HMSD: variants seen among roughly 807,000 people sequenced by gnomAD.
HMSD encodes serpin-like protein HMSD.
Under a neutral mutation model 10.0 loss-of-function variants are expected in HMSD, and 13 were observed. The ratio of observed to expected loss-of-function variants is 1.31; its 90% CI spans 0.85 to 2.08. HMSD has a LOEUF of 2.08. HMSD is among the 30% of genes most tolerant of loss of function. The pLI is 0.00. For missense variants in HMSD, 169 were observed against 166.3 expected (o/e 1.02, Z -0.09); for synonymous variants, 51 against 54.2 (o/e 0.94, Z 0.26).
chr18:63,950,585 C>T (rs11152410), intron 1 of HMSD, among the ~76,000 whole-genome samples: 39,847 of 151,628 alleles, frequency 0.26, 5,288 homozygotes, highest in Admixed American at 0.34. Flanking sequence ...CAAAAACCAA[C>T]CTGAAGGCCT....
chr18:63,967,380 C>T (rs370310300), intron 3 of HMSD, among the ~76,000 whole-genome samples: 212 of 152,232 alleles, frequency 1.4e-3, no homozygotes, highest in African/African-American at 4.2e-3. Context: ...GTGATCCGCC[C>T]GCCTCGGCCT....
Position 63,954,465 on chromosome 18 carries a change from T to C in HMSD, c.130T>C (p.Ser44Pro). The C allele has an allele frequency of 1.2e-6, 2 of 1,613,716 alleles. No homozygotes were observed. Among genetic ancestry groups the C allele is most frequent in the Non-Finnish European group, 1.7e-6 (2 of 1,179,594 alleles). The change falls in exon 3 of 4, where the codon TCA becomes CCA. Residue 44 changes from serine to proline, a missense_variant. By Grantham distance (74) the Ser-to-Pro change is moderately conservative. Coordinates refer to ENST00000408945, the MANE Select transcript of HMSD (RefSeq NM_001123366.2). Reference protein sequence around the residue: ...EDGDIHRGFQSLLVAINRTDT... With the variant: ...EDGDIHRGFQPLLVAINRTDT... ...TGGAGATATTCATCGAGGTTTTCAG[T>C]CACTTCTTGTTGCAATTAACAGAAC...
At chr18:63,950,216 AC>A (rs1390341740) in intron 1 of HMSD, among the ~76,000 whole-genome samples, 2 of 151,792 alleles carry the variant, frequency 1.3e-5, no homozygotes, top group Non-Finnish European at 2.9e-5. Flanking sequence ...GGAGTTCGAG[AC>A]CCAGCCTGGC....
chr18:63,954,843 C>CT (rs1461985711), intron 3 of HMSD, among the ~76,000 whole-genome samples: 27 of 152,198 alleles, frequency 1.8e-4, no homozygotes, highest in African/African-American at 6.5e-4. Flanking sequence ...GTGAAAATGA[C>CT]TGTTTCTCGT....
rs1179444381 is a variant in HMSD at position 63,961,113 on chromosome 18, C to G, written c.*758C>G. The G allele has an allele frequency of 6.6e-6, 1 of 152,136 alleles. No homozygotes were observed. The highest frequency in any genetic ancestry group is 1.5e-5 in the Non-Finnish European group (1 of 68,084). The allele number at this position is 152,136 out of a possible 1,614,324, so 9.4% of individuals were successfully genotyped here. On this transcript the variant is annotated 3_prime_UTR_variant, in exon 4 of 4. Transcript: ENST00000408945. Reference sequence around the variant, plus strand: ...GGGAAACACACACCTCTTTGCACTGCCTTGTGGATAGTCCAGTCAAGTGGA... The same window carrying G: ...GGGAAACACACACCTCTTTGCACTGGCTTGTGGATAGTCCAGTCAAGTGGA...
At position 63,951,442 on chromosome 18, in the gene HMSD, C is replaced by T. The variant is rs532220650; in HGVS notation, c.-102-1912C>T. 2.6e-5 allele frequency among the ~76,000 whole-genome samples: 4 copies of T among 152,210 alleles called. No individual in the cohort carries two copies. In the South Asian group the frequency reaches 8.3e-4, roughly 32 times the overall value. ...TACAGACTAAATAAACCTGCACTCA[C>T]CAGCAGGGGGGAAACTGTGGGAGAT... On this transcript the variant is annotated intron_variant, in intron 1 of 3. Transcript: ENST00000408945.
At chr18:63,950,184 A>AG (rs556680485) in intron 1 of HMSD, among the ~76,000 whole-genome samples, 50 of 152,164 alleles carry the variant, frequency 3.3e-4, no homozygotes, top group Middle Eastern at 3.4e-3. Flanking sequence ...TGGGAGGCTG[A>AG]GGGGGGCGGA....
chr18:63,961,985 T>A (rs906658747), downstream of HMSD, among the ~76,000 whole-genome samples: 1 of 152,248 alleles, frequency 6.6e-6, no homozygotes, highest in African/African-American at 2.4e-5. Flanking sequence ...TCCATGTGTT[T>A]TGTGAAATTG....
At chr18:63,952,240 C>A (rs1444091417) in intron 1 of HMSD, among the ~76,000 whole-genome samples, 1 of 151,166 alleles carries the variant, frequency 6.6e-6, no homozygotes, top group Non-Finnish European at 1.5e-5. Flanking sequence ...GTATACATAA[C>A]TAACCTGCAC....
rs1169868986 is a variant in HMSD at position 63,961,832 on chromosome 18, T to A, written c.*1477T>A. On this transcript the variant is annotated 3_prime_UTR_variant, in exon 4 of 4. Coordinates refer to ENST00000408945, the MANE Select transcript of HMSD (RefSeq NM_001123366.2). ...TTGTGACTAATAAACTGCCGCCAAT[T>A]TCATCTGTCCAGTGTGTCATGCCAT... 3.3e-5 allele frequency: 5 copies of A among 152,204 alleles called. No homozygotes were observed. Among genetic ancestry groups the A allele is most frequent in the African/African-American group, 1.2e-4 (5 of 41,434 alleles). 9.4% of individuals were successfully genotyped at this position (152,204 alleles called of 1,614,324 possible). A position where few individuals can be genotyped will look rare whatever the true frequency, so the allele number is the denominator to read the frequency against.
chr18:63,949,784 G>C (rs1337001749), intron 1 of HMSD, among the ~76,000 whole-genome samples: 1 of 152,198 alleles, frequency 6.6e-6, no homozygotes, highest in Non-Finnish European at 1.5e-5. Flanking sequence ...TGAGGCCTGG[G>C]ACCTCCAGGA....
chr18:63,967,261 G>A (rs1599116185), intron 3 of HMSD, among the ~76,000 whole-genome samples: 2 of 152,172 alleles, frequency 1.3e-5, no homozygotes, highest in East Asian at 3.9e-4. Flanking sequence ...GTGCCCCCTA[G>A]TAGCTGGGGT....
rs1388797575 is a variant in HMSD, at chr18:63,953,547, GACA to G, written c.72+25_72+27del. On this transcript the variant is annotated intron_variant, in intron 2 of 3. Coordinates refer to ENST00000408945, the MANE Select transcript of HMSD (RefSeq NM_001123366.2). ...TCTCAGGTACGTAAAGCCACTTCAA[GACA>G]ACAATAAGTGCTATCAATTTATCAG... 8 of 1,595,026 alleles carry G rather than the reference GACA, an allele frequency of 5.0e-6. No individual in the cohort carries two copies. Among genetic ancestry groups the G allele is most frequent in the Admixed American group, 5.0e-5 (3 of 59,914 alleles).
intron 1 of HMSD, among the ~76,000 whole-genome samples, 174 bp downstream of exon 1, chr18:63,949,574 C>G (rs1046625177): frequency 2.6e-5 from 4 of 152,230 alleles, no homozygotes; most frequent in African/African-American, 9.6e-5. Flanking sequence ...CTGGCGGGGG[C>G]TCCCTAAGGG....
chr18:63,951,637 C>T (rs940743358), intron 1 of HMSD, among the ~76,000 whole-genome samples: 3 of 151,918 alleles, frequency 2.0e-5, no homozygotes, highest in Non-Finnish European at 4.4e-5. Flanking sequence ...GAAAAACAGA[C>T]GTGTAAAAAA....
Position 63,950,944 on chromosome 18 carries a change from A to G in HMSD, c.-103+1544A>G, listed in dbSNP as rs149003105. On this transcript the variant is annotated intron_variant, in intron 1 of 3. Coordinates refer to ENST00000408945, the MANE Select transcript of HMSD (RefSeq NM_001123366.2). The stretch of plus-strand genomic sequence containing the variant: ...TTAACCCCAGAAAAGTATTAAAATA[A>G]GCATTACCATCACCCTAGGAAATAT... Among the ~76,000 whole-genome samples the G allele has an allele frequency of 4.8e-4, 73 of 152,356 alleles. No homozygotes were observed. In the East Asian group the frequency reaches 0.013, roughly 27 times the overall value.
chr18:63,960,350 A>G lies in HMSD; in HGVS notation c.415A>G (p.Ile139Val). The G allele has an allele frequency of 6.3e-7, 1 of 1,576,282 alleles. No homozygotes were observed. Among genetic ancestry groups the G allele is most frequent in the Non-Finnish European group, 8.6e-7 (1 of 1,162,856 alleles). The change falls in exon 4 of 4, where the codon ATA becomes GTA. Residue 139 changes from isoleucine to valine, a missense_variant. Coordinates refer to ENST00000408945, the MANE Select transcript of HMSD (RefSeq NM_001123366.2). ...FIVSSLQNCQI is the reference protein window; with the variant it reads ...FIVSSLQNCQV ...AGTCAGTTCTTTACAAAACTGTCAA[A>G]TATAAAAAGGAGTCCTTTTTTCTCT...
chr18:63,966,841 C>A (rs1046297179), intron 3 of HMSD: 6 of 152,220 alleles, frequency 3.9e-5, no homozygotes, highest in African/African-American at 1.4e-4. Context: ...GCAAATCACA[C>A]AAACTACCTC....
chr18:63,957,949 A>T (rs2144761230), intron 3 of HMSD, among the ~76,000 whole-genome samples: 1 of 152,268 alleles, frequency 6.6e-6, no homozygotes, highest in South Asian at 2.1e-4. Context: ...AAAATAGCAG[A>T]CAGTTATTTA....
Sources: gnomAD v4.1 joint callset for allele counts (sites outside exome capture counted in the v4.1 genomes callset) on GRCh38, gnomAD v4.1.1 for gene constraint, MANE v1.5 for transcripts, NCBI Gene and HGNC (gene_info 2026-07-23, HGNC 2026-07-21) for gene names.